KDM3A: variants seen among roughly 807,000 people sequenced by gnomAD.
KDM3A encodes lysine-specific demethylase 3A.
Under a neutral mutation model 158.0 loss-of-function variants are expected in KDM3A, and 60 were observed. The observed-to-expected ratio is 0.38, with a 90% CI of 0.31 to 0.47. The LOEUF (loss-of-function observed/expected upper bound fraction) is 0.47. Ranked by LOEUF, KDM3A falls within the 20% of genes least tolerant of loss-of-function variation. The pLI, the probability that KDM3A is intolerant of heterozygous loss-of-function variation, is 0.99. For synonymous variants in KDM3A, 608 were observed against 549.3 expected (o/e 1.11, Z -1.49); for missense variants, 1,319 against 1,574.3 (o/e 0.84, Z 2.74).
Position 86,492,144 on chromosome 2 carries a change from T to C in KDM3A, c.*25T>C. On this transcript the variant is annotated 3_prime_UTR_variant, in exon 26 of 26. Transcript: ENST00000312912. ...ATCTCCCTGCACATTGGAAATGAAT[T>C]ACAGGCAGCTGTTCAAACTCTTCAG... The C allele has an allele frequency of 2.6e-6, 4 of 1,544,600 alleles. No homozygotes were observed. The highest frequency in any genetic ancestry group is 3.6e-6 in the Non-Finnish European group (4 of 1,117,766).
At chr2:86,471,270 T>A (rs1362390999) in intron 11 of KDM3A, among the ~76,000 whole-genome samples, 3 of 133,938 alleles carry the variant, frequency 2.2e-5, no homozygotes, top group Admixed American at 7.1e-5. Context: ...TATATATGTG[T>A]ATATATGTGT....
chr2:86,471,347 ATG>A lies in KDM3A; in HGVS notation c.1724+949_1724+950del, dbSNP rs550811975. ...TGTGTATGTGTGTATATATGTATAT[ATG>A]TGTGTGTGTATATGTGTATATATGT... On this transcript the variant is annotated intron_variant, in intron 11 of 25. Transcript: ENST00000312912. 4.7e-3 allele frequency among the ~76,000 whole-genome samples: 716 copies of A among 150,766 alleles called. 3 individuals carry two copies. Among genetic ancestry groups the A allele is most frequent in the Non-Finnish European group, 5.9e-3 (402 of 67,754 alleles).
At position 86,470,199 on chromosome 2, in the gene KDM3A, C is replaced by T. The variant is rs763092625; in HGVS notation, c.1520-5C>T. ...TCCTGTCTCCTTAATCTTTTGTTTT[C>T]CTAGCCCCATCCAGGAAGTCGGTTT... is the stretch of plus-strand genomic sequence containing the variant. On this transcript the variant is annotated splice_region_variant and splice_polypyrimidine_tract_variant and intron_variant, in intron 10 of 25. Transcript: ENST00000312912. 1.9e-6 allele frequency: 3 copies of T among 1,613,544 alleles called. No homozygotes were observed. Among genetic ancestry groups the T allele is most frequent in the South Asian group, 2.2e-5 (2 of 91,060 alleles).
chr2:86,463,294 G>C (rs1672999086), intron 8 of KDM3A, among the ~76,000 whole-genome samples: 1 of 152,130 alleles, frequency 6.6e-6, no homozygotes, highest in Admixed American at 6.5e-5. Flanking sequence ...TGGTGAAATG[G>C]GTGAATTGGT....
chr2:86,449,477 A>G (rs957830061), intron 2 of KDM3A, among the ~76,000 whole-genome samples: 1 of 152,228 alleles, frequency 6.6e-6, no homozygotes, highest in Non-Finnish European at 1.5e-5. Context: ...TGCAATTCCA[A>G]AAGCTCAGAT....
In KDM3A at chr2:86,482,445, TTCTC is replaced by T; in HGVS notation, c.2686-12_2686-9del. The T allele has an allele frequency of 6.2e-7, 1 of 1,610,824 alleles. No homozygotes were observed. The highest frequency in any genetic ancestry group is 8.5e-7 in the Non-Finnish European group (1 of 1,179,040). On this transcript the variant is annotated splice_polypyrimidine_tract_variant and intron_variant, in intron 17 of 25. Transcript: ENST00000312912. ...ATGACATATTTGAGACTTTTGTTCT[TTCTC>T]CAATTCAGACAGAAAATGGACTCAA...
chr2:86,489,114 C>T, intron 21 of KDM3A: 1 of 533,348 alleles, frequency 1.9e-6, no homozygotes, highest in Non-Finnish European at 3.2e-6. Context: ...CTTCCATTTC[C>T]TGCTGTTTTT....
chr2:86,440,604 A>C (rs963154314), upstream of KDM3A: 1 of 152,290 alleles, frequency 6.6e-6, no homozygotes, highest in South Asian at 2.1e-4. Context: ...CTCATTATAC[A>C]TTGTATTTAA....
intron 1 of KDM3A, among the ~76,000 whole-genome samples, chr2:86,441,784 G>A (rs1682721673): frequency 6.6e-6 from 1 of 150,446 alleles, no homozygotes; most frequent in South Asian, 2.1e-4. Context: ...TTGCGTTTGA[G>A]CTGTTAGAAA....
Position 86,456,488 on chromosome 2 carries a change from C to A in KDM3A, c.603C>A (p.Asp201Glu). Residue 201 changes from aspartate (D) to glutamate (E), a missense_variant, in exon 6 of 26, where the codon GAC (aspartate) becomes GAA (glutamate). Around this residue, in one of 4 missense-constraint regions of KDM3A, gnomAD observed 652 missense variants for 627.2 expected, o/e 1.04. Transcript: ENST00000312912. ...VGSEVKIYSL[D>E]PSTQWFSATV... is the part of the protein sequence containing the mutation. ...CAGAAGTAAAAATTTATAGCTTGGA[C>A]CCATCTACTCAGTGGTTTTCAGCAA... 6.3e-7 allele frequency: 1 copy of A among 1,594,386 alleles called. No individual in the cohort carries two copies. The highest frequency in any genetic ancestry group is 8.6e-7 in the Non-Finnish European group (1 of 1,169,206).
chr2:86,456,410 T>G, intron 5 of KDM3A, 32 bp from the exon 6 acceptor site: 2 of 1,357,024 alleles, frequency 1.5e-6, no homozygotes, highest in Non-Finnish European at 2.0e-6. Context: ...TGCAAATTGC[T>G]CTAAGATTTT....
At chr2:86,489,847 C>A in intron 23 of KDM3A, 188 bp downstream of exon 23, 3 of 508,454 alleles carry the variant, frequency 5.9e-6, no homozygotes, top group South Asian at 1.0e-4. Flanking sequence ...TAGGGTTACA[C>A]TTCTAAAAAA....
chr2:86,488,463 G>T (rs2104713737), intron 21 of KDM3A: 1 of 152,264 alleles, frequency 6.6e-6, no homozygotes, highest in Admixed American at 6.5e-5. Context: ...CAGCAAGCTG[G>T]AAAGAAAGGA....
chr2:86,443,056 C>T (rs1381408480), intron 2 of KDM3A: 1 of 152,100 alleles, frequency 6.6e-6, no homozygotes, highest in African/African-American at 2.4e-5. Context: ...AAAGGATTGT[C>T]TGGGAACAAG....
chr2:86,440,594 C>G (rs1438876841), upstream of KDM3A: 1 of 152,208 alleles, frequency 6.6e-6, no homozygotes, highest in African/African-American at 2.4e-5. Context: ...AAAAAAAAAT[C>G]TCATTATACA....
intron 10 of KDM3A, 30 bp from the exon 11 acceptor site, chr2:86,470,174 T>G (rs748904738): frequency 6.3e-7 from 1 of 1,597,764 alleles, no homozygotes; most frequent in South Asian, 1.1e-5. Flanking sequence ...AAATTTGAGG[T>G]CCTGTCTCCT....
chr2:86,469,192 C>A (rs1303724412), intron 10 of KDM3A, among the ~76,000 whole-genome samples: 1 of 152,152 alleles, frequency 6.6e-6, no homozygotes, highest in Non-Finnish European at 1.5e-5. Flanking sequence ...AAGATTAGAT[C>A]ACCTCTAAGG....
At chr2:86,471,731 G>A (rs958047828) in intron 11 of KDM3A, among the ~76,000 whole-genome samples, 1 of 152,116 alleles carries the variant, frequency 6.6e-6, no homozygotes, top group Non-Finnish European at 1.5e-5. Context: ...AGTTTTTTAG[G>A]TACTAGTTTG....
intron 8 of KDM3A, among the ~76,000 whole-genome samples, chr2:86,462,810 T>C (rs1000323306): frequency 6.6e-6 from 1 of 152,176 alleles, no homozygotes; most frequent in African/African-American, 2.4e-5. Flanking sequence ...AAAAACCTGC[T>C]GGCCAGGCAC....
Sources: gnomAD v4.1 joint callset for allele counts (sites outside exome capture counted in the v4.1 genomes callset) on GRCh38, gnomAD v4.1.1 for gene constraint, gnomAD v4.1.1 regional missense constraint, MANE v1.5 for transcripts, NCBI Gene and HGNC (gene_info 2026-07-23, HGNC 2026-07-21) for gene names.